Variants in ESCO2 observed in about 807,000 individuals in gnomAD.
ESCO2 encodes N-acetyltransferase ESCO2.
A neutral mutation model predicts 61.7 loss-of-function variants in ESCO2; 51 were observed. That is an observed-to-expected ratio of 0.83 (90% CI 0.66 to 1.04). The LOEUF (loss-of-function observed/expected upper bound fraction) is 1.04, where lower values mean the gene tolerates loss of function less well. ESCO2 is among the 50% of genes least tolerant of loss of function. ESCO2 has a pLI of 0.00. For synonymous variants in ESCO2, 230 were observed against 238.2 expected, an observed-to-expected ratio of 0.97 and a Z score of 0.32; for missense variants, 692 against 686.2, an observed-to-expected ratio of 1.01 and a Z score of -0.09.
chr8:27,808,183 C>T, downstream of ESCO2: 1 of 1,165,580 alleles, frequency 8.6e-7, no homozygotes, highest in Non-Finnish European at 1.1e-6. Context: ...AATTTTTATT[C>T]TAATCAACAG....
At chr8:27,797,081 C>A (rs188865527) in intron 9 of ESCO2, among the ~76,000 whole-genome samples, 1 of 152,024 alleles carries the variant, frequency 6.6e-6, no homozygotes, top group Non-Finnish European at 1.5e-5. Flanking sequence ...CAGTGCACTC[C>A]GCTCAGGGCA....
At chr8:27,779,667 G>A (rs776010878) in intron 3 of ESCO2, 2 of 158,592 alleles carry the variant, frequency 1.3e-5, no homozygotes, top group Admixed American at 6.0e-5. Context: ...ATTACAACAC[G>A]TGTACTCTGG....
chr8:27,788,713 T>C, intron 6 of ESCO2, 134 bp from the exon 7 acceptor site: 1 of 1,075,280 alleles, frequency 9.3e-7, no homozygotes. Flanking sequence ...TAACCAGATT[T>C]TCATTTAGTT....
At chr8:27,799,417 A>C in intron 9 of ESCO2, 124 bp from the exon 10 acceptor site, 1 of 1,014,766 alleles carries the variant, frequency 9.9e-7, no homozygotes, top group South Asian at 1.3e-5. Flanking sequence ...AGAAATAGAA[A>C]ATATTTTTTA....
chr8:27,794,490 G>A (rs1488025669), intron 9 of ESCO2, among the ~76,000 whole-genome samples: 2 of 151,918 alleles, frequency 1.3e-5, no homozygotes, highest in Non-Finnish European at 2.9e-5. Flanking sequence ...ATATATTTTG[G>A]ATATTATCCC....
chr8:27,778,518 T>C (rs1350880608), intron 3 of ESCO2: 1 of 152,254 alleles, frequency 6.6e-6, no homozygotes, highest in African/African-American at 2.4e-5. Context: ...TTTATACTTA[T>C]ACATTTGTAT....
At chr8:27,786,249 A>C (rs1805039214) in intron 5 of ESCO2, among the ~76,000 whole-genome samples, 1 of 152,234 alleles carries the variant, frequency 6.6e-6, no homozygotes, top group African/African-American at 2.4e-5. Flanking sequence ...ATCTTTTTAA[A>C]GAAGGGGTCG....
rs1268380558 is a variant in ESCO2, at chr8:27,776,451, A to G, written c.143A>G (p.His48Arg). 6.2e-7 allele frequency: 1 copy of G among 1,609,648 alleles called. No homozygotes were observed. Among genetic ancestry groups the G allele is most frequent in the Admixed American group, 1.7e-5 (1 of 59,068 alleles). The stretch of plus-strand genomic sequence containing the variant: ...AGTGATAAAAATGAAGAAAACCTGC[A>G]TTGCTCTCAACAAGAGCATTTTGTT... ...QNSDKNEENL[H>R]CSQQEHFVLS... Residue 48 changes from histidine to arginine, a missense_variant, in exon 3 of 11, where the codon CAT becomes CGT. Coordinates refer to ENST00000305188, the MANE Select transcript of ESCO2 (RefSeq NM_001017420.3).
At chr8:27,811,048 C>T (rs772342394), downstream of ESCO2, 1 of 1,612,772 alleles carries the variant, frequency 6.2e-7, no homozygotes, top group South Asian at 1.1e-5. Flanking sequence ...AATATGTCTG[C>T]CTTGTCAGTA....
chr8:27,795,184 C>T (rs1805266815), intron 9 of ESCO2, among the ~76,000 whole-genome samples: 1 of 152,094 alleles, frequency 6.6e-6, no homozygotes, highest in Non-Finnish European at 1.5e-5. Flanking sequence ...TGTAGATATT[C>T]TTCATCTTCT....
chr8:27,777,228 C>T (rs1266988109), intron 3 of ESCO2, 59 bp downstream of exon 3: 1 of 1,477,214 alleles, frequency 6.8e-7, no homozygotes, highest in African/African-American at 1.4e-5. Flanking sequence ...GTATAAATGA[C>T]ATAGTTGAAT....
chr8:27,775,069 G>T (rs1001097427), intron 1 of ESCO2, among the ~76,000 whole-genome samples: 1 of 152,204 alleles, frequency 6.6e-6, no homozygotes, highest in Admixed American at 6.5e-5. Flanking sequence ...GACGAGCCAC[G>T]TAGCCGCCTG....
intron 5 of ESCO2, among the ~76,000 whole-genome samples, chr8:27,785,242 A>G (rs1354886345): frequency 6.6e-6 from 1 of 152,226 alleles, no homozygotes; most frequent in Non-Finnish European, 1.5e-5. Context: ...TAATCCATTC[A>G]TGAAGGTGGA....
intron 9 of ESCO2, 54 bp from the exon 10 acceptor site, chr8:27,799,487 C>T: frequency 6.4e-7 from 1 of 1,567,984 alleles, no homozygotes; most frequent in Non-Finnish European, 8.8e-7. Context: ...TTTTTTAAAG[C>T]AGTGTGAACT....
chr8:27,788,979 G>A lies in ESCO2; in HGVS notation c.1263+1G>A. Reference sequence around the variant, plus strand: ...GTTTCTGGAAGGAATCAAATATGTGGTGAGCCAAAACATAGTCTTTCAGTT... The same window carrying A: ...GTTTCTGGAAGGAATCAAATATGTGATGAGCCAAAACATAGTCTTTCAGTT... On this transcript the variant is annotated splice_donor_variant, in intron 7 of 10. Transcript: ENST00000305188. LOFTEE classifies it high-confidence loss of function. 1 of 1,613,974 alleles carries A rather than the reference G, an allele frequency of 6.2e-7. No homozygotes were observed. Among genetic ancestry groups the A allele is most frequent in the Admixed American group, 1.7e-5 (1 of 60,010 alleles).
At chr8:27,810,430 T>G, downstream of ESCO2, 1 of 1,607,838 alleles carries the variant, frequency 6.2e-7, no homozygotes, top group Non-Finnish European at 8.5e-7. Context: ...TCTTCCATAT[T>G]AATAGGTGGC....
chr8:27,797,769 G>A (rs1253259552), intron 9 of ESCO2, among the ~76,000 whole-genome samples: 4 of 152,068 alleles, frequency 2.6e-5, no homozygotes, highest in African/African-American at 9.7e-5. Context: ...TAATATAACA[G>A]CCTATTTTAA....
intron 9 of ESCO2, among the ~76,000 whole-genome samples, chr8:27,798,453 C>T (rs1441988675): frequency 1.5e-5 from 2 of 132,332 alleles, no homozygotes; most frequent in African/African-American, 2.8e-5. Flanking sequence ...AGTGAGACTC[C>T]GTCTCTTTAA....
Position 27,776,957 on chromosome 8 carries a change from TC to T in ESCO2, c.650del (p.Ser217PhefsTer30). 6.2e-7 allele frequency: 1 copy of T among 1,612,964 alleles called. No homozygotes were observed. The highest frequency in any genetic ancestry group is 8.5e-7 in the Non-Finnish European group (1 of 1,179,780). On this transcript the variant is annotated frameshift_variant, in exon 3 of 11. Coordinates refer to ENST00000305188, the MANE Select transcript of ESCO2 (RefSeq NM_001017420.3). LOFTEE classifies it high-confidence loss of function. ...GGAAFFVRKK[S>X]SLRKSSLENE... Reference sequence around the variant, plus strand: ...AGCAGCATTTTTTGTTAGAAAAAAATCTTCTCTTAGAAAATCGTCCCTGGAA... The same window carrying T: ...AGCAGCATTTTTTGTTAGAAAAAAATTTCTCTTAGAAAATCGTCCCTGGAA...
Sources: gnomAD v4.1 joint callset for allele counts (sites outside exome capture counted in the v4.1 genomes callset) on GRCh38, gnomAD v4.1.1 for gene constraint, MANE v1.5 for transcripts, NCBI Gene and HGNC (gene_info 2026-07-23, HGNC 2026-07-21) for gene names.